Variants in DCHS1 observed in about 807,000 individuals in gnomAD.
The protein encoded by DCHS1 is protocadherin-16.
DCHS1 carries 78 observed loss-of-function variants against 213.9 expected under a neutral mutation model. The observed-to-expected ratio is 0.36, with a 90% CI of 0.30 to 0.44. The LOEUF (loss-of-function observed/expected upper bound fraction) is 0.44, where lower values mean the gene tolerates loss of function less well. Among genes scored for constraint, DCHS1 ranks in the 20% least tolerant of loss-of-function variants. The pLI, the probability that DCHS1 is intolerant of heterozygous loss-of-function variation, is 1.00. For missense variants in DCHS1, 3,946 were observed against 4,395.9 expected (o/e 0.90, Z 2.89); for synonymous variants, 1,828 against 1,873.7 (o/e 0.98, Z 0.63).
chr11:6,623,227 C>G lies in DCHS1; in HGVS notation c.8449G>C (p.Ala2817Pro), dbSNP rs909978688. The G allele has an allele frequency of 8.8e-6, 14 of 1,595,414 alleles. No individual in the cohort carries two copies. Among genetic ancestry groups the G allele is most frequent in the African/African-American group, 1.3e-5 (1 of 74,484 alleles). The change falls in exon 21 of 21, where the codon GCT becomes CCT. Residue 2817 changes from alanine to proline, a missense_variant. This residue lies in a region of DCHS1 where 3,384 missense variants were observed against 3,780.1 expected (regional missense o/e 0.90). Coordinates refer to ENST00000299441, the MANE Select transcript of DCHS1 (RefSeq NM_003737.4). ...CCTTCGGGCACTTGGAAGTGGAAAG[C>G]TGGTGCCAGAAATACAGGGTCATAC... ...DEYDPVFLAP[A>P]FHFQVPEGAR...
Position 6,631,605 on chromosome 11 carries a change from A to C in DCHS1, c.3675+11T>G. ...ACACTTCTCAGGACAAAGTCCTGCC[A>C]CTTCACATACCTGTATAGGGAGGCC... On this transcript the variant is annotated intron_variant, in intron 7 of 20. Coordinates refer to ENST00000299441, the MANE Select transcript of DCHS1 (RefSeq NM_003737.4). 1 of 1,563,944 alleles carries C rather than the reference A, an allele frequency of 6.4e-7. No individual in the cohort carries two copies. The highest frequency in any genetic ancestry group is 8.7e-7 in the Non-Finnish European group (1 of 1,153,744).
intron 1 of DCHS1, among the ~76,000 whole-genome samples, chr11:6,647,755 T>C (rs532195703): frequency 6.6e-6 from 1 of 152,234 alleles, no homozygotes. Flanking sequence ...TGCCTGAGAT[T>C]CAGGGAGGAG....
chr11:6,642,724 G>A (rs1856097631), intron 1 of DCHS1, among the ~76,000 whole-genome samples: 1 of 152,138 alleles, frequency 6.6e-6, no homozygotes, highest in South Asian at 2.1e-4. Flanking sequence ...TGAAGATTTT[G>A]ACATTATCCT....
chr11:6,637,383 C>A (rs1856000449), intron 2 of DCHS1, among the ~76,000 whole-genome samples: 1 of 152,142 alleles, frequency 6.6e-6, no homozygotes, highest in Non-Finnish European at 1.5e-5. Context: ...TGCTAATATC[C>A]CTTCTGGGGG....
At chr11:6,624,506 A>G (rs1434416750) in intron 20 of DCHS1, 116 bp from the exon 21 acceptor site, 3 of 1,330,044 alleles carry the variant, frequency 2.3e-6, no homozygotes, top group African/African-American at 1.5e-5. Context: ...GGAATGGCCT[A>G]TCTGCTGGGA....
At chr11:6,651,764 C>T (rs73397286) in intron 1 of DCHS1, among the ~76,000 whole-genome samples, 21,939 of 152,000 alleles carry the variant, frequency 0.14, 2,851 homozygotes, top group East Asian at 0.33. Flanking sequence ...TTATGGGATA[C>T]GTGGAGAAGG....
In DCHS1 at chr11:6,624,195, T is replaced by G. The variant is rs1085307456; in HGVS notation, c.7481A>C (p.Asp2494Ala). The change falls in exon 21 of 21, where the codon GAC becomes GCC. Residue 2494 changes from aspartate (D) to alanine (A), a missense_variant. This residue lies in a region of DCHS1 where 3,384 missense variants were observed against 3,780.1 expected (regional missense o/e 0.90). Transcript: ENST00000299441. Reference sequence around the variant, plus strand: ...GAGCAGAGTGGAGCCAGGGGGCAGGTCTTCAGTCACAGCCACACGGTAGTG... The same window carrying G: ...GAGCAGAGTGGAGCCAGGGGGCAGGGCTTCAGTCACAGCCACACGGTAGTG... ...LSHYRVAVTE[D>A]LPPGSTLLTL... The G allele has an allele frequency of 5.8e-5, 94 of 1,613,218 alleles. No individual in the cohort carries two copies. Among genetic ancestry groups the G allele is most frequent in the Non-Finnish European group, 8.0e-5 (94 of 1,179,742 alleles).
In DCHS1 at chr11:6,632,312, A is replaced by G; in HGVS notation, c.3200T>C (p.Leu1067Ser). 6.2e-7 allele frequency: 1 copy of G among 1,613,886 alleles called. No individual in the cohort carries two copies. Among genetic ancestry groups the G allele is most frequent in the South Asian group, 1.1e-5 (1 of 91,082 alleles). The change falls in exon 6 of 21, where the codon TTG becomes TCG. Residue 1067 changes from leucine to serine, a missense_variant. By Grantham distance (145) the Leu-to-Ser change is moderately radical. Coordinates refer to ENST00000299441, the MANE Select transcript of DCHS1 (RefSeq NM_003737.4). The surrounding 1 kb of genome is among the most constrained non-coding windows in gnomAD (Gnocchi z 5.9). ...CACTGCCATTACCTTCAGTATGTAC[A>G]ATTCCTGGGCCTCACGGTCTAGTGC... ...RAALDREAQE[L>S]YILKVMAVSG...
Position 6,627,101 on chromosome 11 carries a change from T to G in DCHS1, c.5938A>C (p.Thr1980Pro), listed in dbSNP as rs146411944. ...PRPGPSFSTP[T>P]LALATLRAED... ...GCTCTCAGTGTGGCCAGAGCCAGGG[T>G]TGGGGTACTGAAGCTGGGGCCTGGG... Residue 1980 changes from threonine to proline, a missense_variant, in exon 14 of 21, where the codon ACC becomes CCC. Thr to Pro is a conservative substitution (Grantham distance 38). Transcript: ENST00000299441. The surrounding 1 kb of genome is among the most constrained non-coding windows in gnomAD (Gnocchi z 5.4). The G allele has an allele frequency of 2.5e-6, 4 of 1,612,486 alleles. No individual in the cohort carries two copies. In the South Asian group the frequency reaches 4.4e-5, roughly 18 times the overall value.
rs756283165 is a variant in DCHS1, at chr11:6,629,893, C to T, written c.4814G>A (p.Arg1605Gln). The T allele has an allele frequency of 7.4e-6, 12 of 1,612,470 alleles. No individual in the cohort carries two copies. The highest frequency in any genetic ancestry group is 1.7e-5 in the Admixed American group (1 of 59,994). ...HSSTGALSVV[R>Q]PLDREQRAEH... ...AGCTCGTTGTTCGCGGTCCAACGGC[C>T]GCACCACGGACAGCGCTCCTAGGTG... The change falls in exon 11 of 21, where the codon CGG (arginine) becomes CAG (glutamine). Residue 1605 changes from arginine to glutamine, a missense_variant. Physicochemically the swap from Arg to Gln is conservative, Grantham distance 43. This residue lies in a region of DCHS1 where 3,384 missense variants were observed against 3,780.1 expected (regional missense o/e 0.90). Transcript: ENST00000299441.
Position 6,641,588 on chromosome 11 carries a change from G to T in DCHS1, c.26C>A (p.Pro9His), listed in dbSNP as rs1187014681. The T allele has an allele frequency of 6.5e-7, 1 of 1,550,004 alleles. No individual in the cohort carries two copies. ...GGGGCTCTTCATGCCAGGGCAGGAAGGCACAATGCCCAGCTCCTTCTGCAT... is the reference window on the plus strand; with the variant it reads ...GGGGCTCTTCATGCCAGGGCAGGAATGCACAATGCCCAGCTCCTTCTGCAT... Reference protein sequence around the residue: MQKELGIVPSCPGMKSPRP... With the variant: MQKELGIVHSCPGMKSPRP... Residue 9 changes from proline to histidine, a missense_variant, in exon 2 of 21, where the codon CCT becomes CAT. Coordinates refer to ENST00000299441, the MANE Select transcript of DCHS1 (RefSeq NM_003737.4). This position sits in a 1 kb window ranked among gnomAD's most constrained non-coding sequence, Gnocchi z 7.1.
At chr11:6,629,314 A>G (rs987437443) in intron 12 of DCHS1, 138 bp downstream of exon 12, 36 of 1,261,938 alleles carry the variant, frequency 2.9e-5, no homozygotes, top group Non-Finnish European at 3.4e-5. Flanking sequence ...CGACTCCCCA[A>G]AAGGGTCCAA....
Position 6,625,342 on chromosome 11 carries a change from C to T in DCHS1, c.7002G>A (p.Thr2334=), listed in dbSNP as rs1422962755. 4 of 1,613,780 alleles carry T rather than the reference C, an allele frequency of 2.5e-6. No homozygotes were observed. Among genetic ancestry groups the T allele is most frequent in the Admixed American group, 1.7e-5 (1 of 60,008 alleles). The change falls in exon 19 of 21, where the codon ACG becomes ACA. Residue 2334 remains threonine (T), a synonymous_variant. Coordinates refer to ENST00000299441, the MANE Select transcript of DCHS1 (RefSeq NM_003737.4). This position sits in a 1 kb window ranked among gnomAD's most constrained non-coding sequence, Gnocchi z 5.3. ...VGRYGGRVSL[T]GPLDFEQCDR... ...CACACTGCTCAAAGTCCAGGGGCCC[C>T]GTGAGGGAGACACGGCCTCCATAGC...
rs772410650 is a variant in DCHS1, at chr11:6,627,445, G to C, written c.5594C>G (p.Pro1865Arg). The change falls in exon 14 of 21, where the codon CCG (proline) becomes CGG (arginine). Residue 1865 changes from proline to arginine, a missense_variant. By Grantham distance (103) the Pro-to-Arg change is moderately radical. Coordinates refer to ENST00000299441, the MANE Select transcript of DCHS1 (RefSeq NM_003737.4). This position sits in a 1 kb window ranked among gnomAD's most constrained non-coding sequence, Gnocchi z 5.4. ...CAGGGTCCCTGCAGGCACATCCTCC[G>C]GCACCTCCACCGAGTAGGCAGGCAC... The part of the protein sequence containing the change: ...FPVPAYSVEV[P>R]EDVPAGTLLL... 1 of 1,610,786 alleles carries C rather than the reference G, an allele frequency of 6.2e-7. No homozygotes were observed.
At position 6,644,739 on chromosome 11, in the gene DCHS1, C is replaced by T. The variant is rs530298021; in HGVS notation, c.-120-3006G>A. On this transcript the variant is annotated intron_variant, in intron 1 of 20. Transcript: ENST00000299441. ...TCATGCTTCCACACCACCATACTCA[C>T]GTAACACACTCAGAGAGACACATCC... is the stretch of plus-strand genomic sequence containing the variant. Among the ~76,000 whole-genome samples the T allele has an allele frequency of 1.2e-4, 18 of 152,336 alleles. No homozygotes were observed. The South Asian group carries it at 1.2e-3, about 11-fold the overall frequency.
chr11:6,625,604 C>T lies in DCHS1; in HGVS notation c.6855G>A (p.Val2285=). 6.2e-7 allele frequency: 1 copy of T among 1,613,612 alleles called. No individual in the cohort carries two copies. Among genetic ancestry groups the T allele is most frequent in the Non-Finnish European group, 8.5e-7 (1 of 1,179,844 alleles). The change falls in exon 18 of 21, where the codon GTG becomes GTA. Residue 2285 remains valine (V), a synonymous_variant. Coordinates refer to ENST00000299441, the MANE Select transcript of DCHS1 (RefSeq NM_003737.4). The surrounding 1 kb of genome is among the most constrained non-coding windows in gnomAD (Gnocchi z 5.3). Reference sequence around the variant, plus strand: ...CACTTTACCCAGCCTCACCTTCTGACACTCGGAGCTCCCAGGGTTGGGGGA... The same window carrying T: ...CACTTTACCCAGCCTCACCTTCTGATACTCGGAGCTCCCAGGGTTGGGGGA... ...PTIPQPWELR[V]SEDALLGSEI... is the part of the protein sequence containing the mutation.
In DCHS1 at chr11:6,630,213, T is replaced by C; in HGVS notation, c.4581A>G (p.Ala1527=). ...CGAAGACGCGCGCTGAAACGCGCGCTGCACGACGGCGGCTGGCGTTGGCGG... is the reference window on the plus strand; with the variant it reads ...CGAAGACGCGCGCTGAAACGCGCGCCGCACGACGGCGGCTGGCGTTGGCGG... ...DRPANASRRR[A]ARVSARVFVT... The change falls in exon 10 of 21, where the codon GCA becomes GCG. Residue 1527 remains alanine (A), a synonymous_variant. Transcript: ENST00000299441. The C allele has an allele frequency of 6.4e-7, 1 of 1,569,276 alleles. No homozygotes were observed. The highest frequency in any genetic ancestry group is 8.6e-7 in the Non-Finnish European group (1 of 1,159,318).
At chr11:6,643,826 C>A (rs1856115740) in intron 1 of DCHS1, among the ~76,000 whole-genome samples, 1 of 152,188 alleles carries the variant, frequency 6.6e-6, no homozygotes, top group Non-Finnish European at 1.5e-5. Context: ...CCAGTCATCA[C>A]CTCAAACTGC....
chr11:6,652,812 T>G (rs1441107733), intron 1 of DCHS1, among the ~76,000 whole-genome samples: 1 of 152,164 alleles, frequency 6.6e-6, no homozygotes, highest in African/African-American at 2.4e-5. Flanking sequence ...TTCCTTCCTT[T>G]CCTTCACCCC....
Sources: gnomAD v4.1 joint callset for allele counts (sites outside exome capture counted in the v4.1 genomes callset) on GRCh38, gnomAD v4.1.1 for gene constraint, gnomAD v4.1.1 regional missense constraint, Gnocchi (gnomAD v3.1) non-coding constraint, MANE v1.5 for transcripts, NCBI Gene and HGNC (gene_info 2026-07-23, HGNC 2026-07-21) for gene names.